CPOX: variants seen among roughly 807,000 people sequenced by gnomAD.
The protein encoded by CPOX is coproporphyrinogen oxidase.
CPOX carries 24 observed loss-of-function variants against 48.9 expected under a neutral mutation model. The ratio of observed to expected loss-of-function variants is 0.49; its 90% confidence interval spans 0.36 to 0.69. CPOX has a LOEUF of 0.69. Ranked by LOEUF, CPOX falls within the 30% of genes least tolerant of loss-of-function variation. CPOX has a pLI of 0.00. For synonymous variants in CPOX, 249 were observed against 234.6 expected (o/e 1.06, Z -0.56); for missense variants, 549 against 597.3 (o/e 0.92, Z 0.84).
intron 1 of CPOX, 125 bp downstream of exon 1, chr3:98,592,824 G>A: frequency 9.7e-7 from 1 of 1,035,828 alleles, no homozygotes; most frequent in South Asian, 1.4e-5. Flanking sequence ...TAACCAAGCG[G>A]CCTCTCTGTG....
chr3:98,592,590 A>G (rs1017707738), intron 1 of CPOX, among the ~76,000 whole-genome samples: 25 of 152,190 alleles, frequency 1.6e-4, no homozygotes, highest in African/African-American at 5.5e-4. Flanking sequence ...CCAGAGAAGG[A>G]GAGAAAATGT....
At position 98,581,527 on chromosome 3, in the gene CPOX, C is replaced by A. The variant is rs368031409; in HGVS notation, c.1173-16G>T. 3.3e-4 allele frequency: 512 copies of A among 1,574,882 alleles called. No homozygotes were observed. The highest frequency in any genetic ancestry group is 4.1e-4 in the Non-Finnish European group (469 of 1,144,382). On this transcript the variant is annotated splice_polypyrimidine_tract_variant and intron_variant, in intron 5 of 6. Transcript: ENST00000647941. ...TTCTACATACCTGCCATAAATACAT[C>A]AAATAACATTAAGGGCCAGCTCAAT...
chr3:98,586,772 G>A (rs1191644854), intron 4 of CPOX, among the ~76,000 whole-genome samples: 8 of 152,000 alleles, frequency 5.3e-5, no homozygotes, highest in East Asian at 3.9e-4. Context: ...GTGAAACCCC[G>A]TCTCCACTAA....
chr3:98,590,909 C>A, intron 2 of CPOX, 103 bp downstream of exon 2: 1 of 1,438,194 alleles, frequency 7.0e-7, no homozygotes, highest in Non-Finnish European at 9.7e-7. Context: ...CATATGAACC[C>A]GAATGGCTTT....
chr3:98,593,394 G>A lies in CPOX; in HGVS notation c.111C>T (p.Ala37=), dbSNP rs532941116. The change falls in exon 1 of 7, where the codon GCC becomes GCT. Residue 37 remains alanine (A), a synonymous_variant. Coordinates refer to ENST00000647941, the MANE Select transcript of CPOX (RefSeq NM_000097.7). ...WSQCGGGGLR[A]WSQRSAAGRV... ...GTCCGGCTGCGCTGCGCTGGGACCA[G>A]GCTCGGAGCCCTCCGCCGCCGCACT... is the stretch of plus-strand genomic sequence containing the variant. 139 of 1,408,158 alleles carry A rather than the reference G, an allele frequency of 9.9e-5. No individual in the cohort carries two copies. The African/African-American group carries it at 1.9e-3, about 19-fold the overall frequency. 87.2% of individuals were successfully genotyped at this position (1,408,158 alleles called of 1,614,324 possible). A position where few individuals can be genotyped will look rare whatever the true frequency, so the allele number is the denominator to read the frequency against.
downstream of CPOX, chr3:98,579,399 TATGCG>T: frequency 3.2e-6 from 2 of 618,502 alleles, no homozygotes; most frequent in Non-Finnish European, 4.0e-6. Context: ...CTAAGAAATA[TATGCG>T]TTTTCCTATA....
intron 5 of CPOX, among the ~76,000 whole-genome samples, chr3:98,582,484 T>A (rs1218066916): frequency 6.6e-6 from 1 of 151,464 alleles, no homozygotes; most frequent in Non-Finnish European, 1.5e-5. Context: ...CCCACAATAA[T>A]TTTTTTTTCT....
At chr3:98,589,514 AACACACAC>A (rs113400986) in intron 3 of CPOX, 3 of 151,956 alleles carry the variant, frequency 2.0e-5, no homozygotes, top group East Asian at 3.9e-4. Flanking sequence ...GATCACAATA[AACACACAC>A]ACACACACAC....
rs1346290886 is a variant in CPOX, at chr3:98,579,591, C to A, written c.*1092G>T. The A allele has an allele frequency of 4.1e-6, 4 of 985,034 alleles. No individual in the cohort carries two copies. Among genetic ancestry groups the A allele is most frequent in the Non-Finnish European group, 3.6e-6 (3 of 829,712 alleles). 61.0% of individuals were successfully genotyped at this position (985,034 alleles called of 1,614,324 possible). Reference sequence around the variant, plus strand: ...TAATGATATGTATGAGATGCTCTTCCTTATAAACTTTATTACGAAGCAAAT... The same window carrying A: ...TAATGATATGTATGAGATGCTCTTCATTATAAACTTTATTACGAAGCAAAT... On this transcript the variant is annotated 3_prime_UTR_variant, in exon 7 of 7. Transcript: ENST00000647941.
intron 1 of CPOX, among the ~76,000 whole-genome samples, chr3:98,592,466 A>C (rs1200761276): frequency 2.6e-5 from 4 of 152,180 alleles, no homozygotes; most frequent in South Asian, 2.1e-4. Flanking sequence ...AACAGTAAAA[A>C]GAAGTGGGAA....
chr3:98,591,498 G>A (rs1707477863), intron 1 of CPOX, among the ~76,000 whole-genome samples: 1 of 152,136 alleles, frequency 6.6e-6, no homozygotes, highest in Non-Finnish European at 1.5e-5. Context: ...TTAAAAATAG[G>A]AATGGGTAGA....
At chr3:98,573,972 GC>G in the CPOX span, among the ~76,000 whole-genome samples, 5 of 151,888 alleles carry the variant, frequency 3.3e-5, no homozygotes, top group Admixed American at 2.0e-4. Context: ...TCATTTCTCT[GC>G]CCCCAGTTCG....
At chr3:98,590,909 C>T (rs548706583) in intron 2 of CPOX, 103 bp downstream of exon 2, 25 of 1,438,072 alleles carry the variant, frequency 1.7e-5, no homozygotes, top group East Asian at 6.9e-5. Context: ...CATATGAACC[C>T]GAATGGCTTT....
downstream of CPOX, among the ~76,000 whole-genome samples, chr3:98,577,336 G>C (rs566434276): frequency 5.1e-4 from 78 of 152,296 alleles, no homozygotes; most frequent in Admixed American, 3.3e-3. Flanking sequence ...TGGTGATAAT[G>C]GGACCTAGGA....
chr3:98,591,427 C>G (rs1284692101), intron 1 of CPOX, among the ~76,000 whole-genome samples: 1 of 152,154 alleles, frequency 6.6e-6, no homozygotes. Context: ...AATATTCTCC[C>G]TTCAGATTCT....
At position 98,580,559 on chromosome 3, in the gene CPOX, T is replaced by A. The variant is rs934598621; in HGVS notation, c.*124A>T. On this transcript the variant is annotated 3_prime_UTR_variant, in exon 7 of 7. Coordinates refer to ENST00000647941, the MANE Select transcript of CPOX (RefSeq NM_000097.7). ...AACATGTTATCATCTGCCCACGAGG[T>A]AGGGTGCAGAGTGGAGAAGACTAAG... 1.6e-5 allele frequency: 25 copies of A among 1,544,432 alleles called. No individual in the cohort carries two copies. The highest frequency in any genetic ancestry group is 2.0e-5 in the Non-Finnish European group (23 of 1,145,064).
At chr3:98,582,126 G>A (rs1268157233) in intron 5 of CPOX, among the ~76,000 whole-genome samples, 1 of 152,078 alleles carries the variant, frequency 6.6e-6, no homozygotes. Flanking sequence ...GTGTTGAGTT[G>A]CAGTGTTTTC....
rs1559680449 is a variant in CPOX, at chr3:98,593,023, G to C, written c.482C>G (p.Ala161Gly). The C allele has an allele frequency of 6.2e-7, 1 of 1,613,862 alleles. No homozygotes were observed. Among genetic ancestry groups the C allele is most frequent in the East Asian group, 2.2e-5 (1 of 44,846 alleles). ...CTGTGCCAGAGCCTGGCACACCTGG[G>C]CCTGGGTCTCCAGAATCAGCAGCTC... The part of the protein sequence containing the change: ...KMELLILETQ[A>G]QVCQALAQVD... The change falls in exon 1 of 7, where the codon GCC (alanine) becomes GGC (glycine). Residue 161 changes from alanine to glycine, a missense_variant. By Grantham distance (60) the Ala-to-Gly change is moderately conservative. Coordinates refer to ENST00000647941, the MANE Select transcript of CPOX (RefSeq NM_000097.7).
the CPOX span, among the ~76,000 whole-genome samples, chr3:98,572,504 AT>A: frequency 1.3e-5 from 2 of 152,062 alleles, no homozygotes; most frequent in African/African-American, 4.8e-5. Context: ...TATGTATGCC[AT>A]TTTTTATTGA....
Sources: gnomAD v4.1 joint callset for allele counts (sites outside exome capture counted in the v4.1 genomes callset) on GRCh38, gnomAD v4.1.1 for gene constraint, MANE v1.5 for transcripts, NCBI Gene and HGNC (gene_info 2026-07-23, HGNC 2026-07-21) for gene names.